The following ACTR6 variants were observed in gnomAD, a reference collection of about 807,000 sequenced individuals.
ACTR6 encodes actin related protein 6.
In ACTR6, 50 loss-of-function variants were observed where a neutral mutation model predicts 52.5. The observed-to-expected ratio is 0.95, with a 90% confidence interval of 0.76 to 1.20. The LOEUF is 1.20. ACTR6 is among the 50% of genes most tolerant of loss of function. The pLI, the probability that ACTR6 is intolerant of heterozygous loss-of-function variation, is 0.00. For synonymous variants in ACTR6, 135 were observed against 147.2 expected (o/e 0.92, Z 0.60); for missense variants, 344 against 472.4 (o/e 0.73, Z 2.52).
intron 6 of ACTR6, among the ~76,000 whole-genome samples, chr12:100,210,798 C>T (rs946573869): frequency 1.3e-5 from 2 of 151,740 alleles, no homozygotes; most frequent in Non-Finnish European, 2.9e-5. Context: ...GTGTTTAACA[C>T]ATAAGTAGAA....
At chr12:100,207,821 G>A (rs1357463230) in intron 4 of ACTR6, 35 bp downstream of exon 4, 2 of 1,576,262 alleles carry the variant, frequency 1.3e-6, no homozygotes, top group Non-Finnish European at 1.7e-6. Context: ...TGAGTTATAT[G>A]ACTATGGATA....
chr12:100,208,986 A>G (rs893335131), intron 4 of ACTR6: 14 of 323,978 alleles, frequency 4.3e-5, no homozygotes, highest in Non-Finnish European at 2.4e-5. Context: ...GACTGAAGTC[A>G]TCTTCCCGCC....
intron 10 of ACTR6, among the ~76,000 whole-genome samples, chr12:100,220,752 T>C (rs1375683765): frequency 2.0e-5 from 3 of 152,128 alleles, no homozygotes; most frequent in African/African-American, 7.2e-5. Flanking sequence ...CCCAGCACTT[T>C]GGGAGGCTGA....
intron 3 of ACTR6, among the ~76,000 whole-genome samples, chr12:100,206,427 G>A (rs910669357): frequency 1.3e-5 from 2 of 152,162 alleles, no homozygotes; most frequent in African/African-American, 2.4e-5. Flanking sequence ...GCAGTAAGCC[G>A]AGATTGCACT....
At chr12:100,215,574 T>C (rs1453209002) in intron 8 of ACTR6, among the ~76,000 whole-genome samples, 1 of 152,234 alleles carries the variant, frequency 6.6e-6, no homozygotes, top group Non-Finnish European at 1.5e-5. Flanking sequence ...GATTCTCATA[T>C]ATAATGTGTA....
rs762125823 is a variant in ACTR6 at position 100,218,408 on chromosome 12, C to G, written c.751-7C>G. ...AACTTAAACTTTTAATCTTCTTTGT[C>G]TTTAAGCCAAGGGAAGAGATGGTGT... is the stretch of plus-strand genomic sequence containing the variant. On this transcript the variant is annotated splice_polypyrimidine_tract_variant and splice_region_variant and intron_variant, in intron 8 of 10. Transcript: ENST00000188312. The surrounding 1 kb of genome is among the most constrained non-coding windows in gnomAD (Gnocchi z 4.2). The G allele has an allele frequency of 6.2e-7, 1 of 1,604,436 alleles. No individual in the cohort carries two copies. The highest frequency in any genetic ancestry group is 1.1e-5 in the South Asian group (1 of 89,776).
intron 10 of ACTR6, among the ~76,000 whole-genome samples, chr12:100,222,609 C>T (rs1310053259): frequency 6.6e-6 from 1 of 152,044 alleles, no homozygotes; most frequent in Non-Finnish European, 1.5e-5. Flanking sequence ...GATCATAGCT[C>T]ACTGCAACTT....
At chr12:100,210,006 C>G in intron 4 of ACTR6, 67 bp from the exon 5 acceptor site, 2 of 1,412,244 alleles carry the variant, frequency 1.4e-6, no homozygotes, top group South Asian at 2.9e-5. Flanking sequence ...GTCTTTGTTT[C>G]CTACCTTTTT....
At chr12:100,209,446 G>A (rs553597510) in intron 4 of ACTR6, among the ~76,000 whole-genome samples, 2 of 152,186 alleles carry the variant, frequency 1.3e-5, no homozygotes, top group Non-Finnish European at 2.9e-5. Context: ...ACTTGAGCCC[G>A]GGAGGTGGAG....
chr12:100,201,611 T>A (rs182728724), intron 1 of ACTR6, among the ~76,000 whole-genome samples: 5 of 152,332 alleles, frequency 3.3e-5, no homozygotes, highest in Admixed American at 2.0e-4. Context: ...TGAGTAGGAA[T>A]GTAAATTGTT....
rs2096120576 is a variant in ACTR6, at chr12:100,212,452, T to G, written c.674T>G (p.Leu225Trp). Residue 225 changes from leucine (L) to tryptophan (W), a missense_variant and splice_region_variant, in exon 8 of 11, where the codon TTG becomes TGG. Coordinates refer to ENST00000188312, the MANE Select transcript of ACTR6 (RefSeq NM_022496.5). ...DFYRDMDIAK[L>W]KGEENTVMID... ...TAAATCTCAATTTTGTTTTCCAGGT[T>G]GAAAGGAGAAGAAAATACAGTAATG... is the stretch of plus-strand genomic sequence containing the variant. 1.2e-6 allele frequency: 2 copies of G among 1,613,362 alleles called. No individual in the cohort carries two copies. Among genetic ancestry groups the G allele is most frequent in the African/African-American group, 2.7e-5 (2 of 75,036 alleles).
chr12:100,212,562 G>A, intron 8 of ACTR6, 34 bp downstream of exon 8: 1 of 1,526,306 alleles, frequency 6.6e-7, no homozygotes, highest in Non-Finnish European at 9.1e-7. Flanking sequence ...GTTGGTTGCT[G>A]CGGCTCCTGT....
At chr12:100,208,557 G>A (rs1331186412) in intron 4 of ACTR6, among the ~76,000 whole-genome samples, 1 of 152,080 alleles carries the variant, frequency 6.6e-6, no homozygotes, top group African/African-American at 2.4e-5. Flanking sequence ...TTACAGGCAT[G>A]AGCCACTGCG....
Position 100,224,008 on chromosome 12 carries a change from G to C in ACTR6, c.*93G>C. The C allele has an allele frequency of 7.2e-7, 1 of 1,381,540 alleles. No individual in the cohort carries two copies. Among genetic ancestry groups the C allele is most frequent in the Non-Finnish European group, 9.7e-7 (1 of 1,033,006 alleles). 85.6% of individuals were successfully genotyped at this position (1,381,540 alleles called of 1,614,324 possible). ...GGAACTGTGTTACCTTTTGTCCTAAGAAAAAGGCTTGAATTTATGTAAATA... is the reference window on the plus strand; with the variant it reads ...GGAACTGTGTTACCTTTTGTCCTAACAAAAAGGCTTGAATTTATGTAAATA... On this transcript the variant is annotated 3_prime_UTR_variant, in exon 11 of 11. Coordinates refer to ENST00000188312, the MANE Select transcript of ACTR6 (RefSeq NM_022496.5).
intron 4 of ACTR6, chr12:100,208,914 T>G (rs1423391427): frequency 2.7e-6 from 1 of 368,006 alleles, no homozygotes; most frequent in African/African-American, 2.2e-5. Context: ...ATCTGGCTGA[T>G]TTATTTATTT....
chr12:100,223,723 A>C, intron 10 of ACTR6, 63 bp from the exon 11 acceptor site: 1 of 1,549,136 alleles, frequency 6.5e-7, no homozygotes, highest in Non-Finnish European at 8.7e-7. Flanking sequence ...ATAGTAATTT[A>C]TGTTTCAGGC....
At chr12:100,208,031 C>T (rs915849290) in intron 4 of ACTR6, 14 of 334,566 alleles carry the variant, frequency 4.2e-5, no homozygotes, top group Admixed American at 1.7e-4. Flanking sequence ...CATGGTGACA[C>T]GCACCTGTAG....
Position 100,212,323 on chromosome 12 carries a change from C to T in ACTR6, c.640C>T (p.Gln214Ter). ...GAAAGAAGATGTATGCTATGTGTCT[C>T]AGGATTTTTATAGAGACATGGATAT... ...QVKEDVCYVS[Q>*]DFYRDMDIAK... Residue 214 changes from glutamine (Q) to a stop codon, truncating the protein, a stop_gained, in exon 7 of 11, where the codon CAG becomes TAG. Transcript: ENST00000188312. LOFTEE classifies it high-confidence loss of function. 6.2e-7 allele frequency: 1 copy of T among 1,612,530 alleles called. No individual in the cohort carries two copies. Among genetic ancestry groups the T allele is most frequent in the Non-Finnish European group, 8.5e-7 (1 of 1,179,238 alleles).
chr12:100,223,958 C>T lies in ACTR6; in HGVS notation c.*43C>T. On this transcript the variant is annotated 3_prime_UTR_variant, in exon 11 of 11. Transcript: ENST00000188312. ...AAGTTGTGACCATAAGGTTTAATTT[C>T]AAAGTTCCTTTTAAAAGAGGTTAAG... 6.4e-7 allele frequency: 1 copy of T among 1,573,734 alleles called. No individual in the cohort carries two copies. The highest frequency in any genetic ancestry group is 2.0e-5 in the Admixed American group (1 of 50,342).
Sources: allele counts gnomAD v4.1 joint callset (sites outside exome capture counted in the v4.1 genomes callset), GRCh38; gene constraint gnomAD v4.1.1; non-coding constraint Gnocchi (gnomAD v3.1); transcripts MANE v1.5; gene names NCBI Gene and HGNC (gene_info 2026-07-23, HGNC 2026-07-21).